Variants in FSTL4 observed in about 807,000 individuals in gnomAD.
The protein encoded by FSTL4 is follistatin-related protein 4.
In FSTL4, 28 loss-of-function variants were observed where a neutral mutation model predicts 78.2. The ratio of observed to expected loss-of-function variants is 0.36; its 90% CI spans 0.27 to 0.49. The LOEUF is 0.49. Ranked by LOEUF, FSTL4 falls within the 20% of genes least tolerant of loss-of-function variation. The probability of loss-of-function intolerance (pLI) is 0.98; values close to 1 mark genes in which losing one functional copy is unlikely to be tolerated. For missense variants in FSTL4, 922 were observed against 1,084.9 expected (o/e 0.85, Z 2.11); for synonymous variants, 422 against 440.5 (o/e 0.96, Z 0.53).
At chr5:133,322,225 C>T (rs1241362856) in intron 4 of FSTL4, among the ~76,000 whole-genome samples, 2 of 140,404 alleles carry the variant, frequency 1.4e-5, no homozygotes, top group East Asian at 4.1e-4. Flanking sequence ...ACACACACAC[C>T]CACACACACA....
the FSTL4 span, among the ~76,000 whole-genome samples, chr5:133,702,893 G>A: frequency 1.6e-4 from 24 of 152,294 alleles, no homozygotes; most frequent in African/African-American, 5.5e-4. Context: ...GCTGCAAACA[G>A]GGCAGCACAT....
At chr5:133,554,783 G>A (rs1759755508) in intron 3 of FSTL4, among the ~76,000 whole-genome samples, 1 of 152,214 alleles carries the variant, frequency 6.6e-6, no homozygotes, top group Non-Finnish European at 1.5e-5. Flanking sequence ...AAATTCTGCA[G>A]AAGACCAGTG....
intron 6 of FSTL4, among the ~76,000 whole-genome samples, chr5:133,304,587 C>T (rs543199021): frequency 3.9e-5 from 6 of 152,286 alleles, no homozygotes; most frequent in South Asian, 4.1e-4. Flanking sequence ...TTGCTCTGCA[C>T]GGAGGCCATT....
At chr5:133,429,792 G>A (rs2126994905) in intron 3 of FSTL4, among the ~76,000 whole-genome samples, 1 of 152,218 alleles carries the variant, frequency 6.6e-6, no homozygotes, top group East Asian at 1.9e-4. Context: ...TCAGCATGAG[G>A]CCACCATCCC....
At chr5:133,792,863 G>A in the FSTL4 span, among the ~76,000 whole-genome samples, 1 of 152,152 alleles carries the variant, frequency 6.6e-6, no homozygotes, top group Admixed American at 6.5e-5. Context: ...AAAGGAACAG[G>A]AAAAGCCAAA....
At chr5:133,335,681 T>TGGG (rs574479956) in intron 4 of FSTL4, among the ~76,000 whole-genome samples, 381 of 150,446 alleles carry the variant, frequency 2.5e-3, no homozygotes, top group East Asian at 5.2e-3. Context: ...TCCCCTTTCT[T>TGGG]GGGGGGGGTG....
chr5:133,246,148 C>T lies in FSTL4; in HGVS notation c.894+3262G>A, dbSNP rs57011398. Reference sequence around the variant, plus strand: ...TTTTGAAGGCCGATCAGCTTGCCCCCGTGCAGCCGTGTTTGGGAGTCACCA... The same window carrying T: ...TTTTGAAGGCCGATCAGCTTGCCCCTGTGCAGCCGTGTTTGGGAGTCACCA... On this transcript the variant is annotated intron_variant, in intron 7 of 15. Transcript: ENST00000265342. Among the ~76,000 whole-genome samples, 944 of 152,294 alleles carry T rather than the reference C, an allele frequency of 6.2e-3. 15 individuals carry two copies. Among genetic ancestry groups the T allele is most frequent in the African/African-American group, 0.022 (902 of 41,554 alleles).
At chr5:133,498,418 C>G (rs565606030) in intron 3 of FSTL4, among the ~76,000 whole-genome samples, 1 of 152,124 alleles carries the variant, frequency 6.6e-6, no homozygotes, top group Non-Finnish European at 1.5e-5. Flanking sequence ...TAAAGTTATC[C>G]TTTAAAAAAT....
rs189806118 is a variant in FSTL4 at position 133,455,262 on chromosome 5, T to C, written c.161-54276A>G. 4.2e-3 allele frequency among the ~76,000 whole-genome samples: 633 copies of C among 152,318 alleles called. 5 individuals are homozygous for C. The highest frequency in any genetic ancestry group is 3.9e-3 in the Non-Finnish European group (265 of 68,016). Reference sequence around the variant, plus strand: ...CTCCTCTTCTTGGTACTTCCTAGCCTTCCTGCTTTAGAAAAAGGACAAACT... The same window carrying C: ...CTCCTCTTCTTGGTACTTCCTAGCCCTCCTGCTTTAGAAAAAGGACAAACT... On this transcript the variant is annotated intron_variant, in intron 3 of 15. Coordinates refer to ENST00000265342, the MANE Select transcript of FSTL4 (RefSeq NM_015082.2).
chr5:133,259,919 C>G (rs147304912), intron 6 of FSTL4, among the ~76,000 whole-genome samples: 2 of 152,084 alleles, frequency 1.3e-5, no homozygotes, highest in Non-Finnish European at 2.9e-5. Flanking sequence ...CCAGGGACCC[C>G]ACACAACATT....
chr5:133,453,950 G>A (rs773775111), intron 3 of FSTL4, among the ~76,000 whole-genome samples: 1 of 152,236 alleles, frequency 6.6e-6, no homozygotes, highest in Non-Finnish European at 1.5e-5. Flanking sequence ...CAACACAGCA[G>A]CTGTCAGAAG....
At chr5:133,750,546 C>T in the FSTL4 span, among the ~76,000 whole-genome samples, 1 of 152,124 alleles carries the variant, frequency 6.6e-6, no homozygotes, top group African/African-American at 2.4e-5. Context: ...TGAGGGCAGA[C>T]GTGCCTCTGA....
chr5:133,593,445 T>C (rs904351574), intron 2 of FSTL4, among the ~76,000 whole-genome samples: 7 of 152,088 alleles, frequency 4.6e-5, no homozygotes, highest in African/African-American at 1.7e-4. Flanking sequence ...GTGGAGGTTC[T>C]GGACACCAGA....
chr5:133,403,845 T>C (rs996448842), intron 3 of FSTL4, among the ~76,000 whole-genome samples: 1 of 152,128 alleles, frequency 6.6e-6, no homozygotes, highest in Non-Finnish European at 1.5e-5. Flanking sequence ...GAAGCTACTT[T>C]CCCTGACCCC....
At chr5:133,506,877 C>T (rs1758621809) in intron 3 of FSTL4, among the ~76,000 whole-genome samples, 1 of 152,214 alleles carries the variant, frequency 6.6e-6, no homozygotes, top group Non-Finnish European at 1.5e-5. Flanking sequence ...GCACGTATTT[C>T]TGAAAGATTC....
intron 4 of FSTL4, among the ~76,000 whole-genome samples, chr5:133,373,463 C>T (rs1755365388): frequency 6.6e-6 from 1 of 152,178 alleles, no homozygotes; most frequent in African/African-American, 2.4e-5. Context: ...GGGAGGGTTG[C>T]ACAATGAGCT....
intron 1 of FSTL4, among the ~76,000 whole-genome samples, chr5:133,607,380 G>C (rs2112983380): frequency 6.6e-6 from 1 of 152,192 alleles, no homozygotes; most frequent in African/African-American, 2.4e-5. Flanking sequence ...CACTTATATA[G>C]CAATTACGAT....
intron 3 of FSTL4, among the ~76,000 whole-genome samples, chr5:133,462,184 G>A (rs962066585): frequency 6.6e-6 from 1 of 152,220 alleles, no homozygotes; most frequent in African/African-American, 2.4e-5. Context: ...AACTGCTTCT[G>A]TGACATGCCC....
chr5:133,472,398 G>C (rs925571427), intron 3 of FSTL4, among the ~76,000 whole-genome samples: 1 of 152,154 alleles, frequency 6.6e-6, no homozygotes, highest in Admixed American at 6.5e-5. Context: ...TTGGGAAGGA[G>C]AGTGCGAGCA....
Sources: allele counts gnomAD v4.1 joint callset (sites outside exome capture counted in the v4.1 genomes callset), GRCh38; gene constraint gnomAD v4.1.1; transcripts MANE v1.5; gene names NCBI Gene and HGNC (gene_info 2026-07-23, HGNC 2026-07-21).